Variants in CYP24A1 observed in about 807,000 individuals in gnomAD.
The protein encoded by CYP24A1 is 1,25-dihydroxyvitamin D(3) 24-hydroxylase, mitochondrial.
Under a neutral mutation model 62.4 loss-of-function variants are expected in CYP24A1, and 68 were observed. The observed-to-expected ratio is 1.09, with a 90% CI of 0.90 to 1.33. The LOEUF (loss-of-function observed/expected upper bound fraction) is 1.33, where lower values mean the gene tolerates loss of function less well. Ranked by LOEUF, CYP24A1 falls within the 40% of genes most tolerant of loss-of-function variation. The pLI is 0.00. For missense variants in CYP24A1, 787 were observed against 653.0 expected, an observed-to-expected ratio of 1.21 and a Z score of -2.24; for synonymous variants, 267 against 253.0, an observed-to-expected ratio of 1.06 and a Z score of -0.52.
rs61749689 is a variant in CYP24A1 at position 54,173,466 on chromosome 20, C to T, written c.114G>A (p.Pro38=). Residue 38 remains proline, a synonymous_variant, in exon 1 of 12, where the codon CCG becomes CCA. Coordinates refer to ENST00000216862, the MANE Select transcript of CYP24A1 (RefSeq NM_000782.5). The surrounding 1 kb of genome is among the most constrained non-coding windows in gnomAD (Gnocchi z 7.2). ...TCAGCGGGCAGACTGGCACCTCTCGCGGCTGAGGGGACGTGTACGCCGTAG... is the reference window on the plus strand; with the variant it reads ...TCAGCGGGCAGACTGGCACCTCTCGTGGCTGAGGGGACGTGTACGCCGTAG... The part of the protein sequence containing the change: ...VTSTAYTSPQ[P]REVPVCPLTA... The T allele has an allele frequency of 1.3e-5, 20 of 1,566,176 alleles. No homozygotes were observed. The highest frequency in any genetic ancestry group is 1.7e-5 in the Non-Finnish European group (20 of 1,155,498).
At chr20:54,167,178 C>T (rs1452178087) in intron 4 of CYP24A1, among the ~76,000 whole-genome samples, 1 of 152,176 alleles carries the variant, frequency 6.6e-6, no homozygotes, top group East Asian at 1.9e-4. Context: ...AGTCAATTAG[C>T]TTAGTCAGCA....
At chr20:54,166,742 G>A (rs1187668875) in intron 4 of CYP24A1, among the ~76,000 whole-genome samples, 1 of 151,592 alleles carries the variant, frequency 6.6e-6, no homozygotes, top group Non-Finnish European at 1.5e-5. Context: ...TTTAAAAAAA[G>A]GACACAGGGC....
At chr20:54,161,815 C>T (rs1397170574) in intron 7 of CYP24A1, among the ~76,000 whole-genome samples, 1 of 152,176 alleles carries the variant, frequency 6.6e-6, no homozygotes, top group African/African-American at 2.4e-5. Flanking sequence ...ATGAGAACCT[C>T]GCTATCTCCT....
intron 6 of CYP24A1, 46 bp downstream of exon 6, chr20:54,164,406 G>A: frequency 6.2e-7 from 1 of 1,613,638 alleles, no homozygotes; most frequent in South Asian, 1.1e-5. Flanking sequence ...TCCAGACACG[G>A]GGGTGCTGGG....
At chr20:54,168,995 T>C (rs1410527215) in intron 4 of CYP24A1, among the ~76,000 whole-genome samples, 1 of 151,098 alleles carries the variant, frequency 6.6e-6, no homozygotes, top group Non-Finnish European at 1.5e-5. Context: ...CGTCCCGGGG[T>C]CAAGCAATCC....
Position 54,157,565 on chromosome 20 carries a change from G to T in CYP24A1, c.1257C>A (p.Thr419=), listed in dbSNP as rs1330298783. Reference sequence around the variant, plus strand: ...TGTCTTCACTGGATCCCAACACCTGGGTATTTAGCATGAGCACTGTCTAAA... The same window carrying T: ...TGTCTTCACTGGATCCCAACACCTGTGTATTTAGCATGAGCACTGTCTAAA... ...LPKGTVLMLN[T]QVLGSSEDNF... Residue 419 remains threonine (T), a synonymous_variant, in exon 10 of 12, where the codon ACC becomes ACA. Transcript: ENST00000216862. 4 of 1,591,904 alleles carry T rather than the reference G, an allele frequency of 2.5e-6. No individual in the cohort carries two copies. The African/African-American group carries it at 5.4e-5, about 21-fold the overall frequency.
Position 54,171,853 on chromosome 20 carries a change from T to C in CYP24A1, c.450-183A>G, listed in dbSNP as rs1348465944. On this transcript the variant is annotated intron_variant, in intron 2 of 11. Coordinates refer to ENST00000216862, the MANE Select transcript of CYP24A1 (RefSeq NM_000782.5). ...TAAAATAGTGATCATCTTTTGACAA[T>C]AGTTTGACAATAGGATGAAAAAGCA... is the stretch of plus-strand genomic sequence containing the variant. The C allele has an allele frequency of 6.5e-6, 9 of 1,390,540 alleles. No individual in the cohort carries two copies. The Admixed American group carries it at 9.3e-5, about 14-fold the overall frequency. The allele number at this position is 1,390,540 out of a possible 1,614,324, so 86.1% of individuals were successfully genotyped here.
At position 54,172,918 on chromosome 20, in the gene CYP24A1, A is replaced by C. The variant is rs770795964; in HGVS notation, c.440T>G (p.Leu147Arg). ...CTCGGATTGGACTCACAGGATCAGCAGCCCGTAGCCTTCTTTGCGGTAGTC... is the reference window on the plus strand; with the variant it reads ...CTCGGATTGGACTCACAGGATCAGCCGCCCGTAGCCTTCTTTGCGGTAGTC... ...YRDYRKEGYG[L>R]LILEGEDWQR... The change falls in exon 2 of 12, where the codon CTG (leucine) becomes CGG (arginine). Residue 147 changes from leucine (L) to arginine (R), a missense_variant. Leu to Arg is a moderately radical substitution (Grantham distance 102). Transcript: ENST00000216862. The C allele has an allele frequency of 6.2e-7, 1 of 1,613,778 alleles. No individual in the cohort carries two copies. Among genetic ancestry groups the C allele is most frequent in the Non-Finnish European group, 8.5e-7 (1 of 1,180,038 alleles).
In CYP24A1 at chr20:54,172,963, T is replaced by C; in HGVS notation, c.395A>G (p.Lys132Arg). The C allele has an allele frequency of 2.5e-6, 4 of 1,613,600 alleles. No homozygotes were observed. Among genetic ancestry groups the C allele is most frequent in the Non-Finnish European group, 3.4e-6 (4 of 1,180,022 alleles). ...ESAYPQRLEIKPWKAYRDYRK... is the reference protein window; with the variant it reads ...ESAYPQRLEIRPWKAYRDYRK... ...GTAGTCGCGATAGGCCTTCCACGGT[T>C]TGATCTCCAGCCGCTGCGGGTACGC... The change falls in exon 2 of 12, where the codon AAA (lysine) becomes AGA (arginine). Residue 132 changes from lysine to arginine, a missense_variant. Lys to Arg is a conservative substitution (Grantham distance 26). Transcript: ENST00000216862.
At chr20:54,157,134 C>G in intron 11 of CYP24A1, 35 bp downstream of exon 11, 1 of 1,014,554 alleles carries the variant, frequency 9.9e-7, no homozygotes, top group Non-Finnish European at 1.5e-6. Context: ...ATTCTCACTA[C>G]CTTGCAGAGG....
Position 54,158,961 on chromosome 20 carries a change from T to C in CYP24A1, c.1153A>G (p.Met385Val), listed in dbSNP as rs537757911. The C allele has an allele frequency of 3.7e-6, 6 of 1,614,188 alleles. No individual in the cohort carries two copies. In the East Asian group the frequency reaches 6.7e-5, roughly 18 times the overall value. Residue 385 changes from methionine to valine, a missense_variant, in exon 8 of 12, where the codon ATG becomes GTG. Physicochemically the swap from Met to Val is conservative, Grantham distance 21. Transcript: ENST00000216862. ...PYLKACLKESMRLTPSVPFTT... is the reference protein window; with the variant it reads ...PYLKACLKESVRLTPSVPFTT... ...GGCTCAGAGATAGGCTCTTACCTCA[T>C]AGATTCTTTCAGACAGGCTTTTAAA...
intron 4 of CYP24A1, 24 bp from the exon 5 acceptor site, chr20:54,165,857 T>A: frequency 9.4e-7 from 1 of 1,059,772 alleles, no homozygotes; most frequent in Non-Finnish European, 1.5e-6. Context: ...TAATCATCAC[T>A]TTACACAAAC....
In CYP24A1 at chr20:54,173,349, C is replaced by A; in HGVS notation, c.231G>T (p.Gly77=). The A allele has an allele frequency of 6.2e-7, 1 of 1,607,442 alleles. No homozygotes were observed. The highest frequency in any genetic ancestry group is 8.5e-7 in the Non-Finnish European group (1 of 1,176,390). Residue 77 remains glycine, a synonymous_variant, in exon 1 of 12, where the codon GGG becomes GGT. Coordinates refer to ENST00000216862, the MANE Select transcript of CYP24A1 (RefSeq NM_000782.5). The surrounding 1 kb of genome is among the most constrained non-coding windows in gnomAD (Gnocchi z 7.2). ...LGSLLQILWK[G]GLKKQHDTLV... is the part of the protein sequence containing the mutation. ...GGGTGTCGTGCTGTTTCTTGAGACC[C>A]CCTTTCCAGAGAATCTGCAGCAGGC... is the stretch of plus-strand genomic sequence containing the variant.
chr20:54,160,995 C>T (rs1053301814), intron 7 of CYP24A1, among the ~76,000 whole-genome samples: 1 of 152,242 alleles, frequency 6.6e-6, no homozygotes, highest in African/African-American at 2.4e-5. Flanking sequence ...TCTCCATCCA[C>T]CAGCCAGAGC....
At chr20:54,149,021 G>A (rs1241945009), downstream of CYP24A1, among the ~76,000 whole-genome samples, 3 of 152,094 alleles carry the variant, frequency 2.0e-5, no homozygotes, top group African/African-American at 4.8e-5. Context: ...CCCATCCTCC[G>A]TAGTAGGATA....
intron 4 of CYP24A1, among the ~76,000 whole-genome samples, chr20:54,166,443 G>A (rs574985623): frequency 1.8e-4 from 28 of 152,012 alleles, no homozygotes; most frequent in Non-Finnish European, 1.9e-4. Context: ...TGAATCCCCC[G>A]AACTCATCAA....
At chr20:54,158,453 A>G (rs1273321581) in intron 8 of CYP24A1, among the ~76,000 whole-genome samples, 1 of 152,208 alleles carries the variant, frequency 6.6e-6, no homozygotes, top group African/African-American at 2.4e-5. Context: ...TTTCCGTGCT[A>G]GCCCTTGAAG....
At chr20:54,152,296 G>T (rs554629799), downstream of CYP24A1, among the ~76,000 whole-genome samples, 1 of 152,208 alleles carries the variant, frequency 6.6e-6, no homozygotes, top group African/African-American at 2.4e-5. Context: ...TGGAAGCCCT[G>T]CTCCCTGGGC....
At position 54,173,437 on chromosome 20, in the gene CYP24A1, G is replaced by T; in HGVS notation, c.143C>A (p.Ala48Asp). 6.4e-7 allele frequency: 1 copy of T among 1,569,216 alleles called. No individual in the cohort carries two copies. Among genetic ancestry groups the T allele is most frequent in the Non-Finnish European group, 8.6e-7 (1 of 1,156,614 alleles). Reference sequence around the variant, plus strand: ...GGCCGCGTTCTGAGTCTCGCCACCAGCTGTCAGCGGGCAGACTGGCACCTC... The same window carrying T: ...GGCCGCGTTCTGAGTCTCGCCACCATCTGTCAGCGGGCAGACTGGCACCTC... ...PREVPVCPLT[A>D]GGETQNAAAL... Residue 48 changes from alanine (A) to aspartate (D), a missense_variant, in exon 1 of 12, where the codon GCT becomes GAT. Ala to Asp is a moderately radical substitution (Grantham distance 126). Transcript: ENST00000216862. The surrounding 1 kb of genome is among the most constrained non-coding windows in gnomAD (Gnocchi z 7.2).
Sources: gnomAD v4.1 joint callset for allele counts (sites outside exome capture counted in the v4.1 genomes callset) on GRCh38, gnomAD v4.1.1 for gene constraint, Gnocchi (gnomAD v3.1) non-coding constraint, MANE v1.5 for transcripts, NCBI Gene and HGNC (gene_info 2026-07-23, HGNC 2026-07-21) for gene names.